Variants in ITGAE observed in about 807,000 individuals in gnomAD.
ITGAE encodes the protein integrin alpha-E.
In ITGAE, 99 loss-of-function variants were observed where a neutral mutation model predicts 136.5. That is an observed-to-expected ratio of 0.73 (90% CI 0.62 to 0.86). The LOEUF is 0.86. ITGAE is among the 40% of genes least tolerant of loss of function. The pLI is 0.00. For missense variants in ITGAE, 1,447 were observed against 1,515.3 expected (o/e 0.95, Z 0.75); for synonymous variants, 613 against 591.8 (o/e 1.04, Z -0.52).
At chr17:3,724,695 C>G in intron 26 of ITGAE, 3 of 1,614,190 alleles carry the variant, frequency 1.9e-6, no homozygotes, top group Non-Finnish European at 1.7e-6. Flanking sequence ...CTCAGGAACC[C>G]CTGAGGATTC....
chr17:3,778,229 G>C (rs1330355705), intron 1 of ITGAE, among the ~76,000 whole-genome samples: 2 of 152,152 alleles, frequency 1.3e-5, no homozygotes, highest in African/African-American at 4.8e-5. Context: ...GGAGTAAAGA[G>C]GAGTCAACAA....
At chr17:3,715,383 T>G (rs1405714814) in intron 30 of ITGAE, among the ~76,000 whole-genome samples, 2 of 152,092 alleles carry the variant, frequency 1.3e-5, no homozygotes, top group Non-Finnish European at 2.9e-5. Context: ...TGGAAGGGTT[T>G]CTAGAAGGGA....
chr17:3,728,639 C>T (rs2051271902), intron 24 of ITGAE, among the ~76,000 whole-genome samples: 2 of 148,278 alleles, frequency 1.3e-5, no homozygotes, highest in Admixed American at 6.8e-5. Flanking sequence ...TCCCAAAGTG[C>T]TGGGATGACA....
chr17:3,768,325 A>G (rs1412215599), intron 2 of ITGAE, among the ~76,000 whole-genome samples: 3 of 152,024 alleles, frequency 2.0e-5, no homozygotes, highest in Admixed American at 1.3e-4. Flanking sequence ...GGGTTTTGCC[A>G]TGTTGCCCAG....
Position 3,728,046 on chromosome 17 carries a change from TAGGAA to T in ITGAE, c.2977-25_2977-21del. ...ATGTACCTGCAAATTAAAATCAGAG[TAGGAA>T]ATCAAAGCTGGTATTGCTTTGCCAT... On this transcript the variant is annotated intron_variant, in intron 25 of 30. Coordinates refer to ENST00000263087, the MANE Select transcript of ITGAE (RefSeq NM_002208.5). 1 of 1,607,438 alleles carries T rather than the reference TAGGAA, an allele frequency of 6.2e-7. No individual in the cohort carries two copies. Among genetic ancestry groups the T allele is most frequent in the Non-Finnish European group, 8.5e-7 (1 of 1,174,054 alleles).
chr17:3,750,113 T>C (rs956931106), intron 16 of ITGAE, among the ~76,000 whole-genome samples: 2 of 152,176 alleles, frequency 1.3e-5, no homozygotes, highest in East Asian at 1.9e-4. Flanking sequence ...TCCTCATAGC[T>C]CTGGGAGGTA....
intron 12 of ITGAE, 32 bp from the exon 13 acceptor site, chr17:3,753,957 C>G: frequency 1.2e-6 from 2 of 1,603,500 alleles, no homozygotes; most frequent in Non-Finnish European, 1.7e-6. Context: ...TGTGAACACA[C>G]CGTGTGCTCC....
At chr17:3,764,914 G>A (rs1441235985) in intron 2 of ITGAE, among the ~76,000 whole-genome samples, 3 of 152,158 alleles carry the variant, frequency 2.0e-5, no homozygotes, top group African/African-American at 4.8e-5. Flanking sequence ...TGAGCTCCGG[G>A]GGTTGTCATA....
intron 22 of ITGAE, 94 bp downstream of exon 22, chr17:3,732,274 C>T (rs2051362169): frequency 4.1e-6 from 4 of 976,844 alleles, no homozygotes; most frequent in Non-Finnish European, 6.6e-6. Flanking sequence ...AAGCGAAGCG[C>T]AAAGCTGGAA....
chr17:3,791,568 C>T, intron 1 of ITGAE, among the ~76,000 whole-genome samples: 1 of 152,166 alleles, frequency 6.6e-6, no homozygotes, highest in East Asian at 1.9e-4. Context: ...CAGGTGTGAG[C>T]CACCACGCCC....
At position 3,719,975 on chromosome 17, in the gene ITGAE, C is replaced by T. The variant is rs551317610; in HGVS notation, c.3333+332G>A. Among the ~76,000 whole-genome samples, 6 of 152,306 alleles carry T rather than the reference C, an allele frequency of 3.9e-5. No individual in the cohort carries two copies. The South Asian group carries it at 1.2e-3, about 32-fold the overall frequency. On this transcript the variant is annotated intron_variant, in intron 29 of 30. Transcript: ENST00000263087. Reference sequence around the variant, plus strand: ...TTCTGACCTCAGGTGATCCACCTGTCTCGGCCTCCCAAAGTGCTAGGATTA... The same window carrying T: ...TTCTGACCTCAGGTGATCCACCTGTTTCGGCCTCCCAAAGTGCTAGGATTA...
intron 12 of ITGAE, among the ~76,000 whole-genome samples, 165 bp downstream of exon 12, chr17:3,754,925 GCCCCCAGGCCCCACCCTCGCCCAGGTA>G (rs777324926): frequency 0.073 from 9,402 of 128,350 alleles, 577 homozygotes; most frequent in East Asian, 0.12. Flanking sequence ...CACCCAGGTA[GCCCCCAGGCCCCACCCTCGCCCAGGTA>G]GCCTCCAGGC....
chr17:3,775,070 C>T (rs2052509750), intron 2 of ITGAE, among the ~76,000 whole-genome samples: 1 of 152,078 alleles, frequency 6.6e-6, no homozygotes, highest in African/African-American at 2.4e-5. Context: ...ACTTCAGCCT[C>T]CCAATAGCTG....
intron 17 of ITGAE, among the ~76,000 whole-genome samples, chr17:3,746,451 T>C (rs1276622628): frequency 6.6e-6 from 1 of 151,240 alleles, no homozygotes; most frequent in Non-Finnish European, 1.5e-5. Context: ...CTTTTTTTTT[T>C]CTTTTTTCTT....
intron 22 of ITGAE, among the ~76,000 whole-genome samples, chr17:3,731,415 C>T (rs1011108720): frequency 6.7e-6 from 1 of 148,908 alleles, no homozygotes; most frequent in Non-Finnish European, 1.5e-5. Context: ...GATCTCAGCT[C>T]ACTGCAACCT....
intron 1 of ITGAE, among the ~76,000 whole-genome samples, chr17:3,793,530 G>A (rs1041718102): frequency 3.3e-5 from 5 of 152,192 alleles, no homozygotes; most frequent in South Asian, 2.1e-4. Context: ...CTCTGGATTC[G>A]TGGGGGAGCA....
intron 19 of ITGAE, among the ~76,000 whole-genome samples, chr17:3,740,517 C>G (rs2051559826): frequency 6.6e-6 from 1 of 152,206 alleles, no homozygotes; most frequent in East Asian, 1.9e-4. Flanking sequence ...GCTGGGATTA[C>G]AGGCATGTGC....
Position 3,724,945 on chromosome 17 carries a change from G to C in ITGAE, c.3085-1201C>G, listed in dbSNP as rs140396274. ...GACAGGCTGGAGAGAACTAGATCAA[G>C]CCGGAAGAGCAAACATCAGGAGGCA... On this transcript the variant is annotated intron_variant, in intron 26 of 30. Coordinates refer to ENST00000263087, the MANE Select transcript of ITGAE (RefSeq NM_002208.5). 911 of 1,613,796 alleles carry C rather than the reference G, an allele frequency of 5.6e-4. 6 individuals carry two copies. The African/African-American group carries it at 0.011, about 19-fold the overall frequency.
At chr17:3,779,508 T>C (rs1214774588) in intron 1 of ITGAE, among the ~76,000 whole-genome samples, 2 of 151,950 alleles carry the variant, frequency 1.3e-5, no homozygotes, top group Admixed American at 6.6e-5. Flanking sequence ...TTTGTATTTT[T>C]AGTAGAGACA....
Sources: allele counts gnomAD v4.1 joint callset (sites outside exome capture counted in the v4.1 genomes callset), GRCh38; gene constraint gnomAD v4.1.1; transcripts MANE v1.5; gene names NCBI Gene and HGNC (gene_info 2026-07-23, HGNC 2026-07-21).